RBPMS: variants seen among roughly 807,000 people sequenced by gnomAD.
The protein encoded by RBPMS is RNA-binding protein with multiple splicing.
A neutral mutation model predicts 26.8 loss-of-function variants in RBPMS; 7 were observed. That is an observed-to-expected ratio of 0.26 (90% confidence interval 0.15 to 0.49). The LOEUF (loss-of-function observed/expected upper bound fraction) is 0.49. Among genes scored for constraint, RBPMS ranks in the 20% least tolerant of loss-of-function variants. The pLI is 0.98. For missense variants in RBPMS, 186 were observed against 250.0 expected, an observed-to-expected ratio of 0.74 and a Z score of 1.73; for synonymous variants, 96 against 93.3, an observed-to-expected ratio of 1.03 and a Z score of -0.17.
chr8:30,559,038 C>T, intron 7 of RBPMS, 82 bp downstream of exon 7: 2 of 1,140,744 alleles, frequency 1.8e-6, no homozygotes, highest in Non-Finnish European at 2.6e-6. Flanking sequence ...ACGCAGCTCT[C>T]CTCCTTTCTC....
chr8:30,457,583 C>CT lies in RBPMS; in HGVS notation c.67-17169dup, dbSNP rs77253053. ...TAAGTTTTAGAATTTGATTTACATT[C>CT]TTTTTTTTTTTTTTTTTTTTTTTTT... On this transcript the variant is annotated intron_variant, in intron 1 of 8. Transcript: ENST00000397323. Among the ~76,000 whole-genome samples the CT allele has an allele frequency of 6.4e-3, 851 of 132,648 alleles. 31 individuals are homozygous for CT. The highest frequency in any genetic ancestry group is 0.014 in the East Asian group (61 of 4,290). 87.0% of individuals were successfully genotyped at this position (132,648 alleles called of 152,430 possible). A position where few individuals can be genotyped will look rare whatever the true frequency, so the allele number is the denominator to read the frequency against.
intron 4 of RBPMS, among the ~76,000 whole-genome samples, chr8:30,490,459 A>T (rs1297467068): frequency 2.0e-5 from 3 of 146,838 alleles, no homozygotes; most frequent in Non-Finnish European, 4.5e-5. Context: ...TTTGTTTGTT[A>T]TTGTTGTCTT....
chr8:30,493,433 T>C (rs1307201832), intron 4 of RBPMS, among the ~76,000 whole-genome samples: 3 of 152,156 alleles, frequency 2.0e-5, no homozygotes, highest in African/African-American at 7.2e-5. Flanking sequence ...AAGGGACTAC[T>C]GGCAGCACCA....
In RBPMS at chr8:30,423,672, C is replaced by A. The variant is rs142595816; in HGVS notation, c.66+38514C>A. 5.9e-5 allele frequency among the ~76,000 whole-genome samples: 9 copies of A among 152,014 alleles called. No homozygotes were observed. In the East Asian group the frequency reaches 1.7e-3, roughly 30 times the overall value. ...GGGTTGGGGGTGGGGAGGGGAGGAC[C>A]TCCCGGAAATAGTAAATCTTAGTTT... On this transcript the variant is annotated intron_variant, in intron 1 of 8. Coordinates refer to ENST00000397323, the MANE Select transcript of RBPMS (RefSeq NM_001008710.3).
At chr8:30,446,861 T>A (rs1286437980) in intron 1 of RBPMS, 1 of 89,004 alleles carries the variant, frequency 1.1e-5, no homozygotes, top group African/African-American at 5.0e-5. Flanking sequence ...GCGCGCGCGG[T>A]GGAGGGTAGT....
chr8:30,502,030 T>G (rs1213397333), intron 4 of RBPMS, among the ~76,000 whole-genome samples: 1 of 152,194 alleles, frequency 6.6e-6, no homozygotes, highest in African/African-American at 2.4e-5. Context: ...GGATATTGAT[T>G]ACCAAATATG....
At chr8:30,479,947 T>G (rs767828397) in intron 4 of RBPMS, among the ~76,000 whole-genome samples, 3 of 152,234 alleles carry the variant, frequency 2.0e-5, no homozygotes, top group Non-Finnish European at 4.4e-5. Flanking sequence ...GTATTTGGTT[T>G]GTAGTTATGT....
chr8:30,567,440 A>C (rs1267423233), intron 8 of RBPMS, among the ~76,000 whole-genome samples: 2 of 152,060 alleles, frequency 1.3e-5, no homozygotes, highest in Non-Finnish European at 2.9e-5. Flanking sequence ...TTTTCACATC[A>C]CATAGGGCAG....
intron 4 of RBPMS, among the ~76,000 whole-genome samples, chr8:30,500,945 C>T (rs553932780): frequency 6.6e-6 from 1 of 152,200 alleles, no homozygotes; most frequent in East Asian, 1.9e-4. Context: ...TTCCCTACCA[C>T]CCCTAGAGTT....
At chr8:30,389,287 C>T (rs1192833727) in intron 1 of RBPMS, among the ~76,000 whole-genome samples, 5 of 152,306 alleles carry the variant, frequency 3.3e-5, no homozygotes, top group East Asian at 1.9e-4. Flanking sequence ...TTTCCAGTAG[C>T]GGTTTAAACA....
chr8:30,539,933 TTGA>T (rs1415098599), intron 5 of RBPMS, among the ~76,000 whole-genome samples: 1 of 152,126 alleles, frequency 6.6e-6, no homozygotes. Context: ...GCCCAAATGG[TTGA>T]TTTCTTGATA....
At chr8:30,423,926 C>T (rs984899921) in intron 1 of RBPMS, among the ~76,000 whole-genome samples, 8 of 152,092 alleles carry the variant, frequency 5.3e-5, no homozygotes, top group African/African-American at 1.9e-4. Context: ...CAACCTCTGC[C>T]TCCCGGGTTC....
intron 5 of RBPMS, among the ~76,000 whole-genome samples, chr8:30,529,669 T>C (rs1449986673): frequency 1.3e-5 from 2 of 152,188 alleles, no homozygotes; most frequent in Non-Finnish European, 2.9e-5. Context: ...CATACAATAT[T>C]TGTCCTTTTG....
intron 3 of RBPMS, among the ~76,000 whole-genome samples, chr8:30,478,818 A>T (rs1350935508): frequency 1.3e-5 from 2 of 152,188 alleles, no homozygotes; most frequent in Non-Finnish European, 2.9e-5. Flanking sequence ...TTTTTAAGGC[A>T]TCCCTTAGGA....
At chr8:30,411,092 A>G (rs1809334803) in intron 1 of RBPMS, among the ~76,000 whole-genome samples, 1 of 152,144 alleles carries the variant, frequency 6.6e-6, no homozygotes, top group Admixed American at 6.6e-5. Flanking sequence ...TCCAGACTGT[A>G]AAGATCTCTG....
chr8:30,414,757 G>A (rs1809863225), intron 1 of RBPMS, among the ~76,000 whole-genome samples: 1 of 152,090 alleles, frequency 6.6e-6, no homozygotes, highest in Non-Finnish European at 1.5e-5. Context: ...GGAAAATAAA[G>A]TATGAGGAAG....
chr8:30,550,301 C>T (rs1278906479), intron 6 of RBPMS, among the ~76,000 whole-genome samples: 1 of 152,196 alleles, frequency 6.6e-6, no homozygotes, highest in Admixed American at 6.5e-5. Context: ...CTGCCATTTA[C>T]ACGCTGTGCG....
chr8:30,437,944 G>A (rs942055417), intron 1 of RBPMS, among the ~76,000 whole-genome samples: 5 of 152,104 alleles, frequency 3.3e-5, no homozygotes, highest in African/African-American at 9.7e-5. Flanking sequence ...GGGTGACAGA[G>A]TGAGACTCCG....
chr8:30,517,683 G>C (rs1229656439), intron 5 of RBPMS, among the ~76,000 whole-genome samples: 1 of 152,200 alleles, frequency 6.6e-6, no homozygotes, highest in Non-Finnish European at 1.5e-5. Context: ...ACATAGTAGA[G>C]GAAACAGGCC....
Sources: allele counts gnomAD v4.1 joint callset (sites outside exome capture counted in the v4.1 genomes callset), GRCh38; gene constraint gnomAD v4.1.1; transcripts MANE v1.5; gene names NCBI Gene and HGNC (gene_info 2026-07-23, HGNC 2026-07-21).